Variants in NCOA3 observed in about 807,000 individuals in gnomAD.
NCOA3 encodes nuclear receptor coactivator 3.
Under a neutral mutation model 158.8 loss-of-function variants are expected in NCOA3, and 51 were observed. The observed-to-expected ratio is 0.32, with a 90% CI of 0.26 to 0.41. The LOEUF is 0.41. Ranked by LOEUF, NCOA3 falls within the 10% of genes least tolerant of loss-of-function variation. NCOA3 has a pLI of 1.00. For synonymous variants in NCOA3, 537 were observed against 592.4 expected (o/e 0.91, Z 1.36); for missense variants, 1,510 against 1,746.6 (o/e 0.86, Z 2.41).
At chr20:47,618,950 CAG>C (rs764437193) in intron 2 of NCOA3, among the ~76,000 whole-genome samples, 2 of 152,094 alleles carry the variant, frequency 1.3e-5, no homozygotes, top group Non-Finnish European at 2.9e-5. Context: ...TTTATGCTGT[CAG>C]AATTTATTGT....
chr20:47,634,603 C>T (rs945759126), intron 10 of NCOA3, among the ~76,000 whole-genome samples: 4 of 152,120 alleles, frequency 2.6e-5, no homozygotes, highest in Admixed American at 2.0e-4. Context: ...GATATTCACC[C>T]ATTAATTATC....
Position 47,653,435 on chromosome 20 carries a change from C to G in NCOA3, c.*18C>G. 6.2e-7 allele frequency: 1 copy of G among 1,606,736 alleles called. No homozygotes were observed. Among genetic ancestry groups the G allele is most frequent in the Middle Eastern group, 1.7e-4 (1 of 6,036 alleles). On this transcript the variant is annotated 3_prime_UTR_variant, in exon 23 of 23. Transcript: ENST00000371998. ...ACTGCTGACATCTCTGCACCAGGAC[C>G]TCTTAAGGAAACCACTGTACAAATG...
At chr20:47,650,603 C>T (rs1408907811) in intron 19 of NCOA3, among the ~76,000 whole-genome samples, 1 of 151,828 alleles carries the variant, frequency 6.6e-6, no homozygotes, top group African/African-American at 2.4e-5. Context: ...GTGGCTCACA[C>T]CTGTAATTTA....
intron 2 of NCOA3, among the ~76,000 whole-genome samples, chr20:47,599,222 A>C (rs1276764943): frequency 6.6e-6 from 1 of 152,220 alleles, no homozygotes; most frequent in Non-Finnish European, 1.5e-5. Context: ...GTATTTGAAA[A>C]CACTATGCTA....
chr20:47,586,023 G>T (rs1439068630), intron 2 of NCOA3, among the ~76,000 whole-genome samples: 2 of 150,888 alleles, frequency 1.3e-5, no homozygotes, highest in African/African-American at 4.9e-5. Flanking sequence ...AGGGTCAAGT[G>T]ATTCTCCTGC....
In NCOA3 at chr20:47,650,995, A is replaced by G. The variant is rs1287560518; in HGVS notation, c.3665A>G (p.Asn1222Ser). 6.2e-7 allele frequency: 1 copy of G among 1,613,714 alleles called. No homozygotes were observed. The highest frequency in any genetic ancestry group is 1.3e-5 in the African/African-American group (1 of 75,014). Residue 1222 changes from asparagine to serine, a missense_variant, in exon 20 of 23, where the codon AAT (asparagine) becomes AGT (serine). Transcript: ENST00000371998. ...CTTGGGTATTAGCAGGGTTTTCTTA[A>G]TGCTCAAATGGTCGCCCAACGCAGC... is the stretch of plus-strand genomic sequence containing the variant. ...PQVSSQQGFL[N>S]AQMVAQRSRE...
intron 1 of NCOA3, among the ~76,000 whole-genome samples, chr20:47,548,480 G>C (rs1180059211): frequency 1.3e-5 from 2 of 152,006 alleles, no homozygotes; most frequent in Non-Finnish European, 1.5e-5. Context: ...GGAGGCAGAG[G>C]TTGGAGTGAG....
At chr20:47,555,480 C>T (rs927393895) in intron 1 of NCOA3, among the ~76,000 whole-genome samples, 2 of 151,976 alleles carry the variant, frequency 1.3e-5, no homozygotes, top group Non-Finnish European at 2.9e-5. Flanking sequence ...TCCATAATTC[C>T]ATTGTCAGTA....
intron 1 of NCOA3, among the ~76,000 whole-genome samples, chr20:47,548,271 G>A (rs2084865695): frequency 6.6e-6 from 1 of 151,844 alleles, no homozygotes; most frequent in African/African-American, 2.4e-5. Context: ...GGCCAGGTGC[G>A]GTGGCCCACA....
At chr20:47,554,999 C>T (rs1265807362) in intron 1 of NCOA3, among the ~76,000 whole-genome samples, 2 of 152,076 alleles carry the variant, frequency 1.3e-5, no homozygotes, top group Non-Finnish European at 2.9e-5. Context: ...GGTACTGGTA[C>T]CAAAACAGAG....
rs765437351 is a variant in NCOA3 at position 47,635,568 on chromosome 20, C to T, written c.1359C>T (p.Ser453=). ...TPGPGMQSPS[S]YQNNNYGLNM... ...GGCCAGGCATGCAATCACCATCTTC[C>T]TACCAGAACAACAACTATGGGCTCA... Residue 453 remains serine (S), a synonymous_variant, in exon 11 of 23, where the codon TCC becomes TCT. Transcript: ENST00000371998. The T allele has an allele frequency of 6.2e-7, 1 of 1,614,144 alleles. No homozygotes were observed. The highest frequency in any genetic ancestry group is 8.5e-7 in the Non-Finnish European group (1 of 1,180,026).
chr20:47,634,880 CCTT>C (rs957838084), intron 10 of NCOA3, among the ~76,000 whole-genome samples: 5 of 151,260 alleles, frequency 3.3e-5, no homozygotes, highest in East Asian at 1.9e-4. Context: ...TATTCCCTCT[CCTT>C]CTCTCTCCCT....
intron 2 of NCOA3, among the ~76,000 whole-genome samples, chr20:47,585,677 A>C (rs911450501): frequency 4.6e-5 from 7 of 152,136 alleles, no homozygotes; most frequent in African/African-American, 1.7e-4. Context: ...ACTCACTTAA[A>C]ATTTAGCTAG....
At chr20:47,534,943 AAAG>A (rs770552953) in intron 1 of NCOA3, among the ~76,000 whole-genome samples, 29 of 152,168 alleles carry the variant, frequency 1.9e-4, no homozygotes, top group Non-Finnish European at 3.8e-4. Flanking sequence ...ATTTATAAAA[AAAG>A]GTGTTTGGAT....
chr20:47,559,079 C>T lies in NCOA3; in HGVS notation c.-98-24104C>T, dbSNP rs545627191. Among the ~76,000 whole-genome samples the T allele has an allele frequency of 3.3e-5, 5 of 151,190 alleles. No homozygotes were observed. In the East Asian group the frequency reaches 7.7e-4, roughly 23 times the overall value. On this transcript the variant is annotated intron_variant, in intron 1 of 22. Coordinates refer to ENST00000371998, the MANE Select transcript of NCOA3 (RefSeq NM_181659.3). The stretch of plus-strand genomic sequence containing the variant: ...AGCATCCATAATCCTTCCCATAGAG[C>T]ACTATGTGTAATGAGCCTTAAAGGT...
chr20:47,521,048 C>T (rs561463811), intron 1 of NCOA3, among the ~76,000 whole-genome samples: 26 of 152,332 alleles, frequency 1.7e-4, no homozygotes, highest in African/African-American at 5.8e-4. Context: ...AGTACTCTAC[C>T]GGCTCCCACG....
At chr20:47,566,711 G>A (rs902669974) in intron 1 of NCOA3, among the ~76,000 whole-genome samples, 9 of 151,832 alleles carry the variant, frequency 5.9e-5, no homozygotes, top group Middle Eastern at 3.4e-3. Context: ...AGGTTTTGCC[G>A]TGTGCCCAGG....
At chr20:47,635,103 A>T (rs72645269) in intron 10 of NCOA3, among the ~76,000 whole-genome samples, 354 of 151,684 alleles carry the variant, frequency 2.3e-3, no homozygotes, top group Middle Eastern at 0.02. Flanking sequence ...CAATTTTTAA[A>T]TTTTTTGTAG....
At chr20:47,598,285 G>C (rs2146255085) in intron 2 of NCOA3, among the ~76,000 whole-genome samples, 1 of 148,210 alleles carries the variant, frequency 6.7e-6, no homozygotes, top group Non-Finnish European at 1.5e-5. Context: ...CTTCTTTACT[G>C]TTTACTAGCG....
Sources: gnomAD v4.1 joint callset for allele counts (sites outside exome capture counted in the v4.1 genomes callset) on GRCh38, gnomAD v4.1.1 for gene constraint, MANE v1.5 for transcripts, NCBI Gene and HGNC (gene_info 2026-07-23, HGNC 2026-07-21) for gene names.